Variants in AKR1B15 observed in about 807,000 individuals in gnomAD.
The protein encoded by AKR1B15 is aldo-keto reductase family 1 member B15, also known as estradiol 17-beta-dehydrogenase AKR1B15.
In AKR1B15, 49 loss-of-function variants were observed where a neutral mutation model predicts 38.5. The ratio of observed to expected loss-of-function variants is 1.27; its 90% CI spans 1.01 to 1.62. The LOEUF (loss-of-function observed/expected upper bound fraction) is 1.62. AKR1B15 is among the 40% of genes most tolerant of loss of function. The probability of loss-of-function intolerance (pLI) is 0.00; values close to 1 mark genes in which losing one functional copy is unlikely to be tolerated. For missense variants in AKR1B15, 411 were observed against 381.6 expected, an observed-to-expected ratio of 1.08 and a Z score of -0.64; for synonymous variants, 137 against 135.5, an observed-to-expected ratio of 1.01 and a Z score of -0.08.
chr7:134,576,041 T>C, intron 8 of AKR1B15, 114 bp downstream of exon 8: 3 of 1,486,804 alleles, frequency 2.0e-6, no homozygotes, highest in South Asian at 1.4e-5. Context: ...GTGTGTAAGG[T>C]AACACGTTTG....
intron 11 of AKR1B15, among the ~76,000 whole-genome samples, chr7:134,578,918 C>A (rs1250181970): frequency 6.6e-6 from 1 of 152,216 alleles, no homozygotes; most frequent in Non-Finnish European, 1.5e-5. Flanking sequence ...CTATGAGCAT[C>A]ATTTCTGGTG....
intron 2 of AKR1B15, among the ~76,000 whole-genome samples, chr7:134,557,765 A>G (rs1427666424): frequency 6.6e-6 from 1 of 152,114 alleles, no homozygotes; most frequent in African/African-American, 2.4e-5. Flanking sequence ...CAAGGTGTAA[A>G]AAGATGTGTA....
intron 6 of AKR1B15, among the ~76,000 whole-genome samples, chr7:134,574,341 T>G (rs1357638369): frequency 2.0e-5 from 3 of 152,160 alleles, no homozygotes; most frequent in Admixed American, 6.6e-5. Flanking sequence ...CTCATGTTTT[T>G]CCCCTCTTTT....
intron 2 of AKR1B15, among the ~76,000 whole-genome samples, chr7:134,562,847 T>G (rs181274281): frequency 2.9e-3 from 271 of 93,130 alleles, no homozygotes; most frequent in Middle Eastern, 0.01. Context: ...TCTTTCTTTC[T>G]TTCTTTCTTT....
chr7:134,569,624 G>T (rs1182660774), intron 5 of AKR1B15, 95 bp downstream of exon 5: 2 of 1,283,952 alleles, frequency 1.6e-6, no homozygotes, highest in Admixed American at 4.1e-5. Flanking sequence ...CATGGCAGAA[G>T]AACATAAATT....
chr7:134,571,553 A>G, intron 5 of AKR1B15, 51 bp from the exon 6 acceptor site: 1 of 1,433,914 alleles, frequency 7.0e-7, no homozygotes, highest in East Asian at 2.3e-5. Flanking sequence ...GTTGAACAGA[A>G]CCAAGTGTCC....
At chr7:134,577,589 C>T (rs1794792445) in intron 10 of AKR1B15, 115 bp from the exon 11 acceptor site, 2 of 1,220,888 alleles carry the variant, frequency 1.6e-6, no homozygotes, top group Non-Finnish European at 2.3e-6. Context: ...GGAAAAACTC[C>T]TATGGCCAGT....
rs1336335757 is a variant in AKR1B15 at position 134,572,395 on chromosome 7, G to A, written c.513+714G>A. Among the ~76,000 whole-genome samples the A allele has an allele frequency of 3.3e-5, 5 of 152,148 alleles. No individual in the cohort carries two copies. In the East Asian group the frequency reaches 5.8e-4, roughly 18 times the overall value. On this transcript the variant is annotated intron_variant, in intron 6 of 11. Coordinates refer to ENST00000457545, the MANE Select transcript of AKR1B15 (RefSeq NM_001080538.3). The stretch of plus-strand genomic sequence containing the variant: ...TGTAATCCCAGCACTTTGGGAAGCC[G>A]AGGTGGAAGGATCATGAGGTCAGAA...
intron 1 of AKR1B15, among the ~76,000 whole-genome samples, chr7:134,556,242 C>A (rs905772231): frequency 3.3e-5 from 5 of 152,168 alleles, no homozygotes; most frequent in African/African-American, 1.2e-4. Flanking sequence ...GAGACCCCAG[C>A]TGCAATGACA....
At chr7:134,562,018 G>A (rs993935712) in intron 2 of AKR1B15, among the ~76,000 whole-genome samples, 1 of 152,052 alleles carries the variant, frequency 6.6e-6, no homozygotes, top group African/African-American at 2.4e-5. Context: ...GGGTCTCACT[G>A]TGTCGCCCAG....
In AKR1B15 at chr7:134,562,874, CTTTCTTTCTTTCT is replaced by C. The variant is rs1554402403; in HGVS notation, c.-22-1721_-22-1709del. Among the ~76,000 whole-genome samples, 8 of 138,954 alleles carry C rather than the reference CTTTCTTTCTTTCT, an allele frequency of 5.8e-5. No homozygotes were observed. In the East Asian group the frequency reaches 1.4e-3, roughly 25 times the overall value. 91.2% of individuals were successfully genotyped at this position (138,954 alleles called of 152,430 possible). On this transcript the variant is annotated intron_variant, in intron 2 of 11. Transcript: ENST00000457545. ...TCTTTCTTTCTTTCTTTCTTTCTTT[CTTTCTTTCTTTCT>C]TTCCTTCTTTCTTCCTTCCTTCTTT...
chr7:134,571,760 C>A, intron 6 of AKR1B15, 79 bp downstream of exon 6: 1 of 1,101,622 alleles, frequency 9.1e-7, no homozygotes, highest in Non-Finnish European at 1.4e-6. Context: ...ATGAAAGAGG[C>A]CATGTGCCTG....
chr7:134,570,213 G>A (rs558133200), intron 5 of AKR1B15: 1 of 152,254 alleles, frequency 6.6e-6, no homozygotes, highest in Admixed American at 6.5e-5. Flanking sequence ...TTAGGACGAG[G>A]AAATTCCCAC....
Position 134,557,603 on chromosome 7 carries a change from G to A in AKR1B15, c.-23+744G>A, listed in dbSNP as rs149096335. Among the ~76,000 whole-genome samples, 1,205 of 151,506 alleles carry A rather than the reference G, an allele frequency of 8.0e-3. 16 individuals are homozygous for A. Among genetic ancestry groups the A allele is most frequent in the African/African-American group, 0.028 (1,145 of 41,312 alleles). ...TCGGTTGACGGTGCCCAAAGCCTTT[G>A]CGTTTATCACTTTGTGATAATTTAA... On this transcript the variant is annotated intron_variant, in intron 2 of 11. Transcript: ENST00000457545.
At position 134,577,702 on chromosome 7, in the gene AKR1B15, A is replaced by C; in HGVS notation, c.910-2A>C. Reference sequence around the variant, plus strand: ...AATGTATTGGAATTCTTTCCTTTCTAGGTCTTTGACTTTAAATTGAGTGAT... The same window carrying C: ...AATGTATTGGAATTCTTTCCTTTCTCGGTCTTTGACTTTAAATTGAGTGAT... On this transcript the variant is annotated splice_acceptor_variant, in intron 10 of 11. Transcript: ENST00000457545. LOFTEE classifies it high-confidence loss of function. 6.2e-7 allele frequency: 1 copy of C among 1,613,648 alleles called. No homozygotes were observed. The highest frequency in any genetic ancestry group is 1.7e-4 in the Middle Eastern group (1 of 6,058).
At chr7:134,559,630 A>G (rs1285259433) in intron 2 of AKR1B15, among the ~76,000 whole-genome samples, 1 of 152,204 alleles carries the variant, frequency 6.6e-6, no homozygotes, top group East Asian at 1.9e-4. Context: ...CTTTGACAAA[A>G]TAATTTTTCT....
intron 1 of AKR1B15, among the ~76,000 whole-genome samples, chr7:134,555,661 T>G (rs1794167453): frequency 6.6e-6 from 1 of 152,018 alleles, no homozygotes; most frequent in Admixed American, 6.6e-5. Flanking sequence ...TGTAGTCGGT[T>G]TATGTGCTTT....
rs1234417677 is a variant in AKR1B15, at chr7:134,575,511, C to T, written c.605C>T (p.Pro202Leu). The stretch of plus-strand genomic sequence containing the variant: ...CAGATCGAGAGGCTCTTGAACAAAC[C>T]TGGACTGAAATATAAACCAGTGACT... ...HFQIERLLNK[P>L]GLKYKPVTNQ... The change falls in exon 7 of 12, where the codon CCT (proline) becomes CTT (leucine). Residue 202 changes from proline (P) to leucine (L), a missense_variant. Transcript: ENST00000457545. 1.9e-6 allele frequency: 3 copies of T among 1,613,688 alleles called. No homozygotes were observed. The highest frequency in any genetic ancestry group is 1.7e-6 in the Non-Finnish European group (2 of 1,179,806).
intron 6 of AKR1B15, among the ~76,000 whole-genome samples, chr7:134,574,857 T>A (rs1276704262): frequency 1.3e-5 from 2 of 152,224 alleles, no homozygotes; most frequent in Admixed American, 6.5e-5. Flanking sequence ...CGGGTGCCCC[T>A]GCTAGGGCGT....
Sources: gnomAD v4.1 joint callset for allele counts (sites outside exome capture counted in the v4.1 genomes callset) on GRCh38, gnomAD v4.1.1 for gene constraint, MANE v1.5 for transcripts, NCBI Gene and HGNC (gene_info 2026-07-23, HGNC 2026-07-21) for gene names.